The following TM9SF1 variants were observed in gnomAD, a reference collection of about 807,000 sequenced individuals.
The protein encoded by TM9SF1 is transmembrane 9 superfamily member 1.
TM9SF1 carries 25 observed loss-of-function variants against 52.4 expected under a neutral mutation model. That is an observed-to-expected ratio of 0.48 (90% confidence interval 0.35 to 0.67). The LOEUF (loss-of-function observed/expected upper bound fraction) is 0.67, where lower values mean the gene tolerates loss of function less well. Ranked by LOEUF, TM9SF1 falls within the 30% of genes least tolerant of loss-of-function variation. The pLI, the probability that TM9SF1 is intolerant of heterozygous loss-of-function variation, is 0.01. For missense variants in TM9SF1, 604 were observed against 780.3 expected (o/e 0.77, Z 2.69); for synonymous variants, 284 against 299.8 (o/e 0.95, Z 0.55).
Position 24,190,379 on chromosome 14 carries a change from C to T in TM9SF1, c.1427+1G>A, listed in dbSNP as rs762189222. ...ATAGCCATGGAATAAAGGGAGGATA[C>T]CTGAAAGGCAGGAAGCCTCCAACAG... On this transcript the variant is annotated splice_donor_variant, in intron 5 of 5. Coordinates refer to ENST00000261789, the MANE Select transcript of TM9SF1 (RefSeq NM_006405.7). LOFTEE classifies it high-confidence loss of function. 2 of 1,568,640 alleles carry T rather than the reference C, an allele frequency of 1.3e-6. No homozygotes were observed. The highest frequency in any genetic ancestry group is 1.7e-6 in the Non-Finnish European group (2 of 1,155,422).
chr14:24,189,247 T>C lies in TM9SF1; in HGVS notation c.*168A>G. 1 of 690,958 alleles carries C rather than the reference T, an allele frequency of 1.4e-6. No individual in the cohort carries two copies. Among genetic ancestry groups the C allele is most frequent in the African/African-American group, 1.8e-5 (1 of 56,232 alleles). 42.8% of individuals were successfully genotyped at this position (690,958 alleles called of 1,614,324 possible). A position where few individuals can be genotyped will look rare whatever the true frequency, so the allele number is the denominator to read the frequency against. On this transcript the variant is annotated 3_prime_UTR_variant, in exon 6 of 6. Transcript: ENST00000261789. Reference sequence around the variant, plus strand: ...GTTCAAATATATAATCCTTATGTGATAGAGATTTATAATTTCCAGGCCCTC... The same window carrying C: ...GTTCAAATATATAATCCTTATGTGACAGAGATTTATAATTTCCAGGCCCTC...
At chr14:24,193,730 CT>C (rs2039357234) in intron 2 of TM9SF1, among the ~76,000 whole-genome samples, 1 of 150,482 alleles carries the variant, frequency 6.6e-6, no homozygotes. Context: ...ACCATCCTGG[CT>C]AACACGGTGA....
intron 2 of TM9SF1, 80 bp from the exon 3 acceptor site, chr14:24,193,349 C>T (rs1338803458): frequency 1.4e-6 from 2 of 1,453,812 alleles, no homozygotes; most frequent in African/African-American, 2.8e-5. Context: ...ACCTTCAGCA[C>T]TACTGATATT....
intron 4 of TM9SF1, among the ~76,000 whole-genome samples, chr14:24,191,328 C>T (rs1311334427): frequency 6.6e-6 from 1 of 152,180 alleles, no homozygotes; most frequent in Non-Finnish European, 1.5e-5. Context: ...TGGATTAAGG[C>T]CCTGTTTTCA....
Position 24,194,955 on chromosome 14 carries a change from A to T in TM9SF1, c.65T>A (p.Leu22Gln). 1.2e-6 allele frequency: 2 copies of T among 1,614,152 alleles called. No individual in the cohort carries two copies. The highest frequency in any genetic ancestry group is 1.7e-6 in the Non-Finnish European group (2 of 1,180,024). Reference sequence around the variant, plus strand: ...CACCCCTGGCCCATGGCCTGTGCCCAGCAACAGTATCAGGATTGGCAACCA... The same window carrying T: ...CACCCCTGGCCCATGGCCTGTGCCCTGCAACAGTATCAGGATTGGCAACCA... ...CQWLPILILL[L>Q]GTGHGPGVEG... The change falls in exon 2 of 6, where the codon CTG becomes CAG. Residue 22 changes from leucine to glutamine, a missense_variant. Leu to Gln is a moderately radical substitution (Grantham distance 113). Coordinates refer to ENST00000261789, the MANE Select transcript of TM9SF1 (RefSeq NM_006405.7).
chr14:24,190,980 G>A (rs1373641600), intron 4 of TM9SF1, among the ~76,000 whole-genome samples: 1 of 146,412 alleles, frequency 6.8e-6, no homozygotes, highest in Non-Finnish European at 1.5e-5. Context: ...TCCTGCCTCA[G>A]CCTCCCGAGT....
At position 24,189,635 on chromosome 14, in the gene TM9SF1, C is replaced by T. The variant is rs200572805; in HGVS notation, c.1601G>A (p.Arg534Gln). Residue 534 changes from arginine (R) to glutamine (Q), a missense_variant, in exon 6 of 6, where the codon CGA (arginine) becomes CAA (glutamine). Physicochemically the swap from Arg to Gln is conservative, Grantham distance 43. Transcript: ENST00000261789. ...GGTGGAGCCAACACTCAGCACAGAT[C>T]GCCACCACCAGCGGTAATCCTCCCC... Reference protein sequence around the residue: ...LSGEDYRWWWRSVLSVGSTGL... With the variant: ...LSGEDYRWWWQSVLSVGSTGL... 5.4e-5 allele frequency: 87 copies of T among 1,614,100 alleles called. No homozygotes were observed. The highest frequency in any genetic ancestry group is 2.8e-4 in the Admixed American group (17 of 60,004).
At position 24,195,166 on chromosome 14, in the gene TM9SF1, GTC is replaced by G. The variant is rs2039379149; in HGVS notation, c.-17-132_-17-131del. On this transcript the variant is annotated intron_variant, in intron 1 of 5. Coordinates refer to ENST00000261789, the MANE Select transcript of TM9SF1 (RefSeq NM_006405.7). ...CCCTCCCCGCCTCACCCTACCCCAC[GTC>G]TCTCTATCCCAAAGACCCCGCTCCA... 1.6e-4 allele frequency: 102 copies of G among 637,726 alleles called. 1 individual carries two copies. The South Asian group carries it at 1.9e-3, about 12-fold the overall frequency. The allele number at this position is 637,726 out of a possible 1,614,324, so 39.5% of individuals were successfully genotyped here. A position where few individuals can be genotyped will look rare whatever the true frequency, so the allele number is the denominator to read the frequency against.
At chr14:24,194,613 T>C in intron 2 of TM9SF1, 62 bp downstream of exon 2, 1 of 1,440,750 alleles carries the variant, frequency 6.9e-7, no homozygotes, top group South Asian at 1.2e-5. Flanking sequence ...GAACCATAAA[T>C]GTAAGGCACT....
At chr14:24,190,849 GTGTTTTTTTTT>G (rs2039311502) in intron 4 of TM9SF1, among the ~76,000 whole-genome samples, 196 bp from the exon 5 acceptor site, 1 of 108,086 alleles carries the variant, frequency 9.3e-6, no homozygotes, top group Non-Finnish European at 1.8e-5. Flanking sequence ...TCTTTGTTCT[GTGTTTTTTTTT>G]TTTTTTTTTT....
intron 5 of TM9SF1, chr14:24,190,164 A>C: frequency 7.3e-7 from 1 of 1,378,394 alleles, no homozygotes. Context: ...CAGGAAGGTG[A>C]AGGGGGAAAT....
At chr14:24,189,830 C>T (rs745417596) in intron 5 of TM9SF1, 22 bp from the exon 6 acceptor site, 6 of 1,584,326 alleles carry the variant, frequency 3.8e-6, no homozygotes, top group Non-Finnish European at 5.2e-6. Context: ...AGAGATGATA[C>T]ACAGCATTAA....
chr14:24,194,969 G>T lies in TM9SF1; in HGVS notation c.51C>A (p.Ile17=). 1 of 1,614,188 alleles carries T rather than the reference G, an allele frequency of 6.2e-7. No homozygotes were observed. The highest frequency in any genetic ancestry group is 8.5e-7 in the Non-Finnish European group (1 of 1,180,036). Residue 17 remains isoleucine, a synonymous_variant, in exon 2 of 6, where the codon ATC becomes ATA. Transcript: ENST00000261789. Reference sequence around the variant, plus strand: ...GGCCTGTGCCCAGCAACAGTATCAGGATTGGCAACCACTGGCAGCTCCAAC... The same window carrying T: ...GGCCTGTGCCCAGCAACAGTATCAGTATTGGCAACCACTGGCAGCTCCAAC... ...PRSWSCQWLP[I]LILLLGTGHG...
Position 24,190,437 on chromosome 14 carries a change from T to A in TM9SF1, c.1370A>T (p.Gln457Leu), listed in dbSNP as rs759500167. ...TKNIAREIPP[Q>L]PWYKSTVIHM... is the part of the protein sequence containing the mutation. ...GATGACAGTAGACTTGTACCAGGGC[T>A]GGGGTGGAATCTCCCGGGCGATGTT... The change falls in exon 5 of 6, where the codon CAG becomes CTG. Residue 457 changes from glutamine to leucine, a missense_variant. Coordinates refer to ENST00000261789, the MANE Select transcript of TM9SF1 (RefSeq NM_006405.7). 5.0e-6 allele frequency: 8 copies of A among 1,612,842 alleles called. No individual in the cohort carries two copies. The South Asian group carries it at 6.6e-5, about 13-fold the overall frequency.
chr14:24,193,313 G>T, intron 2 of TM9SF1, 44 bp from the exon 3 acceptor site: 1 of 1,538,764 alleles, frequency 6.5e-7, no homozygotes, highest in South Asian at 1.3e-5. Context: ...GATCTCCCCA[G>T]GCGCAGAGTT....
At chr14:24,190,165 A>G in intron 5 of TM9SF1, 1 of 1,378,330 alleles carries the variant, frequency 7.3e-7, no homozygotes, top group Non-Finnish European at 9.3e-7. Context: ...AGGAAGGTGA[A>G]GGGGGAAATG....
chr14:24,192,317 T>A lies in TM9SF1; in HGVS notation c.1007A>T (p.His336Leu). ...TGCTGAGTTAATGGCCCCATGACGGTGCACATTGAACATGCCCAGCAGTGC... is the reference window on the plus strand; with the variant it reads ...TGCTGAGTTAATGGCCCCATGACGGAGCACATTGAACATGCCCAGCAGTGC... ...VMALLGMFNV[H>L]RHGAINSAAI... The change falls in exon 4 of 6, where the codon CAC becomes CTC. Residue 336 changes from histidine (H) to leucine (L), a missense_variant. Around this residue, in one of 3 missense-constraint regions of TM9SF1, gnomAD observed 450 missense variants for 560.1 expected, o/e 0.80. Coordinates refer to ENST00000261789, the MANE Select transcript of TM9SF1 (RefSeq NM_006405.7). This position sits in a 1 kb window ranked among gnomAD's most constrained non-coding sequence, Gnocchi z 4.0. The A allele has an allele frequency of 1.2e-6, 2 of 1,614,118 alleles. No homozygotes were observed. Among genetic ancestry groups the A allele is most frequent in the South Asian group, 2.2e-5 (2 of 91,078 alleles).
chr14:24,193,098 G>A lies in TM9SF1; in HGVS notation c.517C>T (p.Arg173Ter), dbSNP rs866796538. 2.5e-6 allele frequency: 4 copies of A among 1,613,980 alleles called. No homozygotes were observed. The highest frequency in any genetic ancestry group is 3.3e-5 in the Admixed American group (2 of 59,986). The change falls in exon 3 of 6, where the codon CGA (arginine) becomes TGA (stop). Residue 173 changes from arginine (R) to a stop codon, truncating the protein, a stop_gained. Coordinates refer to ENST00000261789, the MANE Select transcript of TM9SF1 (RefSeq NM_006405.7). LOFTEE classifies it high-confidence loss of function. ...ACTGAAACATTGGCAAATATAATTC[G>A]GTCTCCATGGAATTCTAGGTGGAAG... ...LDFHLEFHGD[R>*]IIFANVSVRD...
Position 24,189,521 on chromosome 14 carries a change from T to C in TM9SF1, c.1715A>G (p.Tyr572Cys). The change falls in exon 6 of 6, where the codon TAC (tyrosine) becomes TGC (cysteine). Residue 572 changes from tyrosine (Y) to cysteine (C), a missense_variant. By Grantham distance (194) the Tyr-to-Cys change is radical. Transcript: ENST00000261789. ...GAAGACATAACCAGTGAGTAAGGAG[T>C]AGCCGAAGAACTCTACTGTCTGTAC... ...GAVQTVEFFG[Y>C]SLLTGYVFFL... is the part of the protein sequence containing the mutation. 2 of 1,613,698 alleles carry C rather than the reference T, an allele frequency of 1.2e-6. No individual in the cohort carries two copies. Among genetic ancestry groups the C allele is most frequent in the Non-Finnish European group, 1.7e-6 (2 of 1,179,946 alleles).
Sources: allele counts gnomAD v4.1 joint callset (sites outside exome capture counted in the v4.1 genomes callset), GRCh38; gene constraint gnomAD v4.1.1; regional missense constraint gnomAD v4.1.1; non-coding constraint Gnocchi (gnomAD v3.1); transcripts MANE v1.5; gene names NCBI Gene and HGNC (gene_info 2026-07-23, HGNC 2026-07-21).